CAMKMT: variants seen among roughly 807,000 people sequenced by gnomAD.
CAMKMT encodes CaM KMT.
In CAMKMT, 53 loss-of-function variants were observed where a neutral mutation model predicts 48.0. That is an observed-to-expected ratio of 1.10 (90% CI 0.89 to 1.39). The LOEUF (loss-of-function observed/expected upper bound fraction) is 1.39, where lower values mean the gene tolerates loss of function less well. Ranked by LOEUF, CAMKMT falls within the 40% of genes most tolerant of loss-of-function variation. CAMKMT has a pLI of 0.00. For synonymous variants in CAMKMT, 165 were observed against 152.3 expected (o/e 1.08, Z -0.61); for missense variants, 428 against 402.7 (o/e 1.06, Z -0.54).
chr2:44,573,110 C>T (rs1457983145), intron 3 of CAMKMT, among the ~76,000 whole-genome samples: 1 of 151,852 alleles, frequency 6.6e-6, no homozygotes, highest in African/African-American at 2.4e-5. Flanking sequence ...GTTTGGCCGT[C>T]TATATCTTAG....
intron 3 of CAMKMT, among the ~76,000 whole-genome samples, chr2:44,509,770 A>G (rs1670444711): frequency 6.6e-6 from 1 of 152,134 alleles, no homozygotes; most frequent in African/African-American, 2.4e-5. Context: ...CTGAATTGGT[A>G]CCATGAGAGC....
chr2:44,592,078 G>C (rs559373726), intron 3 of CAMKMT, among the ~76,000 whole-genome samples: 1 of 151,810 alleles, frequency 6.6e-6, no homozygotes, highest in Non-Finnish European at 1.5e-5. Context: ...TGGGGGGAAG[G>C]GGGAGGGATA....
At chr2:44,511,865 A>AAT (rs1558667100) in intron 3 of CAMKMT, among the ~76,000 whole-genome samples, 2 of 152,044 alleles carry the variant, frequency 1.3e-5, no homozygotes, top group Non-Finnish European at 2.9e-5. Context: ...CCTATTTAAT[A>AAT]ATACTGCAAA....
intron 3 of CAMKMT, among the ~76,000 whole-genome samples, chr2:44,626,204 G>T (rs1036843433): frequency 6.6e-5 from 10 of 152,124 alleles, no homozygotes; most frequent in African/African-American, 2.2e-4. Context: ...TCTGTTAGTA[G>T]TGTTTTGTAG....
intron 3 of CAMKMT, among the ~76,000 whole-genome samples, chr2:44,504,335 T>C (rs1475644488): frequency 6.6e-6 from 1 of 152,186 alleles, no homozygotes; most frequent in Non-Finnish European, 1.5e-5. Context: ...TTTAGGGTCA[T>C]ATGTTGTATT....
chr2:44,587,712 G>A (rs1376761868), intron 3 of CAMKMT, among the ~76,000 whole-genome samples: 5 of 131,574 alleles, frequency 3.8e-5, no homozygotes, highest in East Asian at 4.1e-4. Flanking sequence ...GCTCCTGACC[G>A]CGAGTGATCC....
intron 3 of CAMKMT, among the ~76,000 whole-genome samples, chr2:44,624,939 C>T (rs930996434): frequency 6.6e-6 from 1 of 152,138 alleles, no homozygotes; most frequent in Non-Finnish European, 1.5e-5. Context: ...TACAGTCCCA[C>T]CAACAGTGTA....
chr2:44,381,584 A>G (rs74577972), intron 2 of CAMKMT, among the ~76,000 whole-genome samples: 1 of 152,200 alleles, frequency 6.6e-6, no homozygotes, highest in Admixed American at 6.5e-5. Context: ...AATCCAACAT[A>G]AAGTTCTGGT....
intron 3 of CAMKMT, among the ~76,000 whole-genome samples, chr2:44,417,070 A>G (rs896480106): frequency 1.3e-4 from 20 of 152,012 alleles, no homozygotes; most frequent in African/African-American, 4.8e-4. Context: ...GGTTGCTGGG[A>G]TTACAGACAT....
At chr2:44,559,681 A>G (rs563494621) in intron 3 of CAMKMT, among the ~76,000 whole-genome samples, 151 of 152,292 alleles carry the variant, frequency 9.9e-4, no homozygotes, top group African/African-American at 3.5e-3. Flanking sequence ...CCCTCTATCT[A>G]CTTACTGGAG....
chr2:44,460,099 A>G (rs1667773073), intron 3 of CAMKMT, among the ~76,000 whole-genome samples: 1 of 152,218 alleles, frequency 6.6e-6, no homozygotes, highest in African/African-American at 2.4e-5. Context: ...ACATTGCTTA[A>G]AAACCCTCCA....
At chr2:44,453,014 G>A (rs1300963041) in intron 3 of CAMKMT, among the ~76,000 whole-genome samples, 1 of 152,032 alleles carries the variant, frequency 6.6e-6, no homozygotes, top group Non-Finnish European at 1.5e-5. Flanking sequence ...ATGTCTAATT[G>A]ATTTACTATG....
At chr2:44,363,124 T>G (rs1319984947) in intron 1 of CAMKMT, among the ~76,000 whole-genome samples, 1 of 152,182 alleles carries the variant, frequency 6.6e-6, no homozygotes, top group Non-Finnish European at 1.5e-5. Flanking sequence ...CTTTTAGTGC[T>G]TTTAGAGTTA....
At chr2:44,363,449 C>T (rs1253698875) in intron 1 of CAMKMT, among the ~76,000 whole-genome samples, 3 of 151,776 alleles carry the variant, frequency 2.0e-5, no homozygotes, top group African/African-American at 7.3e-5. Context: ...GCCATCTCCG[C>T]TCACCACAAC....
chr2:44,363,736 C>T (rs1490109318), intron 1 of CAMKMT, among the ~76,000 whole-genome samples: 3 of 145,482 alleles, frequency 2.1e-5, no homozygotes, highest in Admixed American at 7.0e-5. Flanking sequence ...GTTGCCCAGA[C>T]GTGAGTGCAA....
intron 3 of CAMKMT, among the ~76,000 whole-genome samples, chr2:44,409,049 A>G (rs1041496219): frequency 2.7e-5 from 4 of 149,062 alleles, no homozygotes; most frequent in African/African-American, 7.3e-5. Flanking sequence ...GCCTGCTTCT[A>G]TATTTTTAAT....
rs1362302294 is a variant in CAMKMT at position 44,683,222 on chromosome 2, A to T, written c.377-21061A>T. ...TTATTGAGAAATAGAAACCAAAAAA[A>T]AAATGATTTAATTGCTAAGCATCTG... is the stretch of plus-strand genomic sequence containing the variant. On this transcript the variant is annotated intron_variant, in intron 3 of 10. Coordinates refer to ENST00000378494, the MANE Select transcript of CAMKMT (RefSeq NM_024766.5). 2.6e-5 allele frequency among the ~76,000 whole-genome samples: 4 copies of T among 152,192 alleles called. No individual in the cohort carries two copies. The East Asian group carries it at 7.7e-4, about 29-fold the overall frequency.
intron 3 of CAMKMT, among the ~76,000 whole-genome samples, chr2:44,562,625 A>G (rs1572805852): frequency 6.6e-6 from 1 of 152,146 alleles, no homozygotes; most frequent in East Asian, 1.9e-4. Flanking sequence ...CAATGACACA[A>G]TCTCAGTTCA....
intron 3 of CAMKMT, among the ~76,000 whole-genome samples, chr2:44,621,948 A>G (rs1166997277): frequency 3.9e-5 from 6 of 152,324 alleles, no homozygotes; most frequent in Non-Finnish European, 7.4e-5. Context: ...ATTGAAATAC[A>G]TGAATTCAAG....
Sources: allele counts gnomAD v4.1 joint callset (sites outside exome capture counted in the v4.1 genomes callset), GRCh38; gene constraint gnomAD v4.1.1; transcripts MANE v1.5; gene names NCBI Gene and HGNC (gene_info 2026-07-23, HGNC 2026-07-21).